BRD4: variants seen among roughly 807,000 people sequenced by gnomAD.
The protein encoded by BRD4 is bromodomain-containing protein 4.
Under a neutral mutation model 142.1 loss-of-function variants are expected in BRD4, and 16 were observed. That is an observed-to-expected ratio of 0.11 (90% CI 0.08 to 0.17). The LOEUF is 0.17. BRD4 is among the 10% of genes least tolerant of loss of function. The pLI is 1.00. For synonymous variants in BRD4, 833 were observed against 707.5 expected, an observed-to-expected ratio of 1.18 and a Z score of -2.82; for missense variants, 1,424 against 1,810.9, an observed-to-expected ratio of 0.79 and a Z score of 3.88.
intron 13 of BRD4, among the ~76,000 whole-genome samples, chr19:15,243,864 C>T (rs929990265): frequency 1.3e-5 from 2 of 152,156 alleles, no homozygotes; most frequent in African/African-American, 4.8e-5. Context: ...GGGAGGAATC[C>T]CATCTCATGA....
intron 1 of BRD4, among the ~76,000 whole-genome samples, chr19:15,310,008 C>T (rs2047952886): frequency 6.6e-6 from 1 of 152,032 alleles, no homozygotes; most frequent in Non-Finnish European, 1.5e-5. Context: ...TTAAAACATT[C>T]CAAAACCCAA....
intron 1 of BRD4, among the ~76,000 whole-genome samples, chr19:15,304,737 T>C (rs2047899101): frequency 6.6e-6 from 1 of 152,180 alleles, no homozygotes; most frequent in South Asian, 2.1e-4. Context: ...TATGCTGTAT[T>C]CCGACCTCAC....
At chr19:15,306,640 T>C (rs2047916588) in intron 1 of BRD4, among the ~76,000 whole-genome samples, 1 of 152,130 alleles carries the variant, frequency 6.6e-6, no homozygotes, top group African/African-American at 2.4e-5. Context: ...TTAAAGGCTA[T>C]TATAGGGTTA....
At chr19:15,269,924 A>G (rs1426419125) in intron 2 of BRD4, among the ~76,000 whole-genome samples, 1 of 152,258 alleles carries the variant, frequency 6.6e-6, no homozygotes, top group Non-Finnish European at 1.5e-5. Flanking sequence ...ATGTGCGGAC[A>G]GATCAAGCAG....
chr19:15,279,792 A>G (rs1480122126), intron 1 of BRD4, among the ~76,000 whole-genome samples: 1 of 152,152 alleles, frequency 6.6e-6, no homozygotes, highest in African/African-American at 2.4e-5. Context: ...GACCAGCTAT[A>G]CTTTGTATTT....
chr19:15,250,634 C>T (rs754068321), intron 11 of BRD4, among the ~76,000 whole-genome samples: 8 of 152,212 alleles, frequency 5.3e-5, no homozygotes, highest in Non-Finnish European at 1.0e-4. Context: ...CTCACACCTC[C>T]CTGAGACCCT....
At chr19:15,241,602 C>A (rs1353440727) in intron 14 of BRD4, among the ~76,000 whole-genome samples, 1 of 152,144 alleles carries the variant, frequency 6.6e-6, no homozygotes, top group African/African-American at 2.4e-5. Flanking sequence ...TGCCTCAGCC[C>A]CGATAGGTGC....
chr19:15,300,020 G>A (rs1181743151), intron 1 of BRD4, among the ~76,000 whole-genome samples: 2 of 152,136 alleles, frequency 1.3e-5, no homozygotes, highest in Non-Finnish European at 2.9e-5. Flanking sequence ...TGAGGTGAGA[G>A]GATCACTTGA....
chr19:15,264,372 C>T lies in BRD4; in HGVS notation c.1212+32G>A, dbSNP rs1277117414. 4.5e-6 allele frequency: 7 copies of T among 1,565,226 alleles called. No individual in the cohort carries two copies. In the Middle Eastern group the frequency reaches 5.2e-4, roughly 115 times the overall value. On this transcript the variant is annotated intron_variant, in intron 6 of 19. Transcript: ENST00000679869. ...TGATGTGGAGGGACAGCCTGCCCAC[C>T]TTGTCCCTTCCCTCAGGCACATCCC...
chr19:15,252,685 A>G (rs1435217212), intron 11 of BRD4, among the ~76,000 whole-genome samples: 4 of 152,214 alleles, frequency 2.6e-5, no homozygotes, highest in Non-Finnish European at 5.9e-5. Flanking sequence ...AGGGTGAAGG[A>G]TGGCGACAGG....
Position 15,263,681 on chromosome 19 carries a change from G to C in BRD4, c.1213-133C>G, listed in dbSNP as rs192362102. On this transcript the variant is annotated intron_variant, in intron 6 of 19. Coordinates refer to ENST00000679869, the MANE Select transcript of BRD4 (RefSeq NM_001379291.1). Reference sequence around the variant, plus strand: ...CTCTCAGTTTGGTCAAGACTCTAGTGGGGGGACAGGCCATCACCCCAGTTC... The same window carrying C: ...CTCTCAGTTTGGTCAAGACTCTAGTCGGGGGACAGGCCATCACCCCAGTTC... 7 of 1,135,792 alleles carry C rather than the reference G, an allele frequency of 6.2e-6. 1 individual carries two copies. The highest frequency in any genetic ancestry group is 2.1e-5 in the Admixed American group (1 of 47,832). The allele number at this position is 1,135,792 out of a possible 1,614,324, so 70.4% of individuals were successfully genotyped here. A position where few individuals can be genotyped will look rare whatever the true frequency, so the allele number is the denominator to read the frequency against.
intron 2 of BRD4, among the ~76,000 whole-genome samples, chr19:15,269,723 TAAAA>T (rs1568390819): frequency 6.6e-6 from 1 of 151,984 alleles, no homozygotes; most frequent in Non-Finnish European, 1.5e-5. Flanking sequence ...TTTAAAAAAA[TAAAA>T]ATAAAAAATC....
At chr19:15,323,178 TAAAAA>T (rs1017018376) in intron 1 of BRD4, among the ~76,000 whole-genome samples, 16 of 73,066 alleles carry the variant, frequency 2.2e-4, no homozygotes, top group South Asian at 1.9e-3. Flanking sequence ...TCCATCTCTT[TAAAAA>T]AAAAAAAAAA....
rs199768422 is a variant in BRD4 at position 15,257,094 on chromosome 19, G to A, written c.1421C>T (p.Pro474Leu). ...PVVAVSSPAV[P>L]PPTKVVAPPS... ...CGGGGCCACAACCTTGGTGGGAGGG[G>A]GCACTGCCGGGGAGGACACGGCCAC... The change falls in exon 8 of 20, where the codon CCC becomes CTC. Residue 474 changes from proline (P) to leucine (L), a missense_variant. This residue lies in a region of BRD4 where 90 missense variants were observed against 93.2 expected (regional missense o/e 0.97). Transcript: ENST00000679869. 1.1e-5 allele frequency: 17 copies of A among 1,608,170 alleles called. No homozygotes were observed. In the South Asian group the frequency reaches 1.6e-4, roughly 15 times the overall value.
At chr19:15,294,735 G>A (rs999579043) in intron 1 of BRD4, among the ~76,000 whole-genome samples, 1 of 152,174 alleles carries the variant, frequency 6.6e-6, no homozygotes, top group Non-Finnish European at 1.5e-5. Context: ...AATCCAAAAT[G>A]AACAGAATCG....
chr19:15,257,292 A>C (rs770451251), intron 7 of BRD4, 119 bp from the exon 8 acceptor site: 404 of 977,224 alleles, frequency 4.1e-4, no homozygotes, highest in Non-Finnish European at 5.8e-4. Flanking sequence ...GCGAAAGAGG[A>C]TGGTGATCCT....
chr19:15,265,734 C>A (rs556664139), intron 4 of BRD4, 91 bp from the exon 5 acceptor site: 1 of 1,342,886 alleles, frequency 7.4e-7, no homozygotes, highest in Non-Finnish European at 1.1e-6. Flanking sequence ...ACACAGTGAA[C>A]GCACATTCGC....
chr19:15,268,588 A>G (rs1318140700), intron 3 of BRD4, among the ~76,000 whole-genome samples: 1 of 152,130 alleles, frequency 6.6e-6, no homozygotes, highest in Non-Finnish European at 1.5e-5. Flanking sequence ...ATGAGTCGCC[A>G]CTATTCTCCT....
intron 1 of BRD4, among the ~76,000 whole-genome samples, chr19:15,276,360 G>T (rs973179394): frequency 1.3e-5 from 2 of 152,152 alleles, no homozygotes; most frequent in East Asian, 1.9e-4. Context: ...TCCCACAGCG[G>T]TTCCCCCCAA....
Sources: allele counts gnomAD v4.1 joint callset (sites outside exome capture counted in the v4.1 genomes callset), GRCh38; gene constraint gnomAD v4.1.1; regional missense constraint gnomAD v4.1.1; transcripts MANE v1.5; gene names NCBI Gene and HGNC (gene_info 2026-07-23, HGNC 2026-07-21).